TGFBR3: variants seen among roughly 807,000 people sequenced by gnomAD.
The protein encoded by TGFBR3 is transforming growth factor beta receptor type 3.
In TGFBR3, 46 loss-of-function variants were observed where a neutral mutation model predicts 87.9. The ratio of observed to expected loss-of-function variants is 0.52; its 90% confidence interval spans 0.41 to 0.67. The LOEUF is 0.67. Ranked by LOEUF, TGFBR3 falls within the 30% of genes least tolerant of loss-of-function variation. The pLI is 0.00. For synonymous variants in TGFBR3, 381 were observed against 391.6 expected, an observed-to-expected ratio of 0.97 and a Z score of 0.32; for missense variants, 866 against 1,041.9, an observed-to-expected ratio of 0.83 and a Z score of 2.32.
At chr1:91,729,304 A>T (rs1350719890) in intron 6 of TGFBR3, among the ~76,000 whole-genome samples, 1 of 151,864 alleles carries the variant, frequency 6.6e-6, no homozygotes, top group Non-Finnish European at 1.5e-5. Context: ...ACACACACAC[A>T]CACACACACA....
chr1:91,755,247 CTG>C (rs1400771627), intron 4 of TGFBR3, among the ~76,000 whole-genome samples: 1 of 152,138 alleles, frequency 6.6e-6, no homozygotes, highest in Non-Finnish European at 1.5e-5. Flanking sequence ...ACCAGACCCT[CTG>C]TGGCAAAGGC....
At chr1:91,739,147 C>T (rs972683716) in intron 4 of TGFBR3, among the ~76,000 whole-genome samples, 23 of 152,158 alleles carry the variant, frequency 1.5e-4, no homozygotes, top group Admixed American at 1.0e-3. Context: ...CCTTGTAGAC[C>T]GTTGTAAGGA....
intron 10 of TGFBR3, 104 bp downstream of exon 10, chr1:91,719,208 G>T: frequency 1.3e-6 from 2 of 1,497,240 alleles, no homozygotes; most frequent in Non-Finnish European, 1.9e-6. Context: ...TCAGGCCTGG[G>T]GTGAAAACCC....
chr1:91,863,930 G>A (rs66824794), intron 1 of TGFBR3: 1 of 152,030 alleles, frequency 6.6e-6, no homozygotes, highest in East Asian at 1.9e-4. Context: ...CCACAAAGAG[G>A]ATCTGTCTCT....
intron 2 of TGFBR3, among the ~76,000 whole-genome samples, chr1:91,820,407 G>C (rs2101058673): frequency 6.6e-6 from 1 of 152,272 alleles, no homozygotes; most frequent in South Asian, 2.1e-4. Flanking sequence ...TAACCAGCCG[G>C]GCACGGTGGC....
chr1:91,890,407 A>ATTTTT (rs1557765290), upstream of TGFBR3, among the ~76,000 whole-genome samples: 18 of 57,866 alleles, frequency 3.1e-4, no homozygotes, highest in Admixed American at 6.3e-4. Context: ...TTTCTCTATA[A>ATTTTT]TCTTTTTTTT....
intron 10 of TGFBR3, among the ~76,000 whole-genome samples, chr1:91,718,970 A>G (rs1672269301): frequency 6.6e-6 from 1 of 152,202 alleles, no homozygotes; most frequent in South Asian, 2.1e-4. Context: ...CTGCTCGTTC[A>G]TATAGCCCAG....
At chr1:91,752,046 C>T (rs1223988076) in intron 4 of TGFBR3, among the ~76,000 whole-genome samples, 2 of 151,962 alleles carry the variant, frequency 1.3e-5, no homozygotes, top group African/African-American at 2.4e-5. Context: ...TTTTTTTTCC[C>T]GATGATGTAT....
Position 91,681,714 on chromosome 1 carries a change from C to T in TGFBR3, c.*2025G>A, listed in dbSNP as rs1167596537. Reference sequence around the variant, plus strand: ...TAAAACACTTAAATATATCTTTATACACAAATTTTGTAGTAAAATATAGCT... The same window carrying T: ...TAAAACACTTAAATATATCTTTATATACAAATTTTGTAGTAAAATATAGCT... On this transcript the variant is annotated 3_prime_UTR_variant, in exon 17 of 17. Transcript: ENST00000212355. The T allele has an allele frequency of 1.8e-5, 8 of 433,538 alleles. No individual in the cohort carries two copies. The highest frequency in any genetic ancestry group is 7.5e-4 in the Middle Eastern group (1 of 1,340). The allele number at this position is 433,538 out of a possible 1,614,324, so 26.9% of individuals were successfully genotyped here.
At chr1:91,721,467 T>C (rs554311992) in intron 8 of TGFBR3, among the ~76,000 whole-genome samples, 48 of 152,326 alleles carry the variant, frequency 3.2e-4, no homozygotes, top group African/African-American at 1.1e-3. Context: ...TTTCAAGTCA[T>C]GCTAGCTAGA....
chr1:91,729,848 C>A lies in TGFBR3; in HGVS notation c.694G>T (p.Val232Leu). 1 of 1,614,176 alleles carries A rather than the reference C, an allele frequency of 6.2e-7. No homozygotes were observed. The highest frequency in any genetic ancestry group is 2.2e-5 in the East Asian group (1 of 44,880). The part of the protein sequence containing the change: ...VMSSQPQNEE[V>L]HIIELITPNS... Reference sequence around the variant, plus strand: ...GGGGTGATTAGCTCGATGATGTGTACTTCCTCATTCTGGGGCTGGCTGGAC... The same window carrying A: ...GGGGTGATTAGCTCGATGATGTGTAATTCCTCATTCTGGGGCTGGCTGGAC... Residue 232 changes from valine to leucine, a missense_variant, in exon 6 of 17, where the codon GTA (valine) becomes TTA (leucine). Physicochemically the swap from Val to Leu is conservative, Grantham distance 32. Transcript: ENST00000212355.
intron 16 of TGFBR3, among the ~76,000 whole-genome samples, chr1:91,690,744 T>G (rs1284385222): frequency 6.6e-6 from 1 of 152,010 alleles, no homozygotes; most frequent in Non-Finnish European, 1.5e-5. Context: ...TCCTATACCT[T>G]TCAAGCAGGA....
chr1:91,738,815 A>C (rs1466979146), intron 4 of TGFBR3, among the ~76,000 whole-genome samples: 1 of 152,256 alleles, frequency 6.6e-6, no homozygotes, highest in Non-Finnish European at 1.5e-5. Context: ...CTGGAGACAC[A>C]GTGGAGAGAC....
intron 9 of TGFBR3, 139 bp from the exon 10 acceptor site, chr1:91,719,603 TC>T: frequency 2.7e-6 from 3 of 1,120,872 alleles, no homozygotes; most frequent in South Asian, 1.3e-5. Flanking sequence ...AAGTATCTCT[TC>T]CCAGCTGCCC....
chr1:91,715,547 T>C (rs1672136003), intron 12 of TGFBR3, among the ~76,000 whole-genome samples: 2 of 152,244 alleles, frequency 1.3e-5, no homozygotes, highest in Non-Finnish European at 2.9e-5. Context: ...TGGCACATAA[T>C]AAATCTGCAG....
intron 4 of TGFBR3, among the ~76,000 whole-genome samples, chr1:91,749,639 CCATCCTGGAGTTG>C (rs1571470766): frequency 6.6e-6 from 1 of 152,098 alleles, no homozygotes; most frequent in Non-Finnish European, 1.5e-5. Context: ...AGGAGTTGGA[CCATCCTGGAGTTG>C]CTTTCTGAGA....
intron 2 of TGFBR3, among the ~76,000 whole-genome samples, chr1:91,797,968 A>C (rs768619845): frequency 1.1e-4 from 17 of 152,228 alleles, no homozygotes; most frequent in Non-Finnish European, 2.2e-4. Context: ...AGAGGCGATC[A>C]GGGCCAGAGC....
rs775234466 is a variant in TGFBR3, at chr1:91,722,075, C to T, written c.955G>A (p.Asp319Asn). The T allele has an allele frequency of 4.3e-6, 7 of 1,613,962 alleles. No individual in the cohort carries two copies. The East Asian group carries it at 6.7e-5, about 15-fold the overall frequency. ...SMTMTKSIRD[D>N]IPSTQGNLVK... ...AGATTCCCTTGGGTTGAAGGAATGT[C>T]ATCTCTTATTGATTTGGTCATTGTC... The change falls in exon 8 of 17, where the codon GAC becomes AAC. Residue 319 changes from aspartate to asparagine, a missense_variant. Transcript: ENST00000212355.
At chr1:91,774,369 C>A (rs944384641) in intron 3 of TGFBR3, among the ~76,000 whole-genome samples, 3 of 152,214 alleles carry the variant, frequency 2.0e-5, no homozygotes, top group Admixed American at 6.5e-5. Flanking sequence ...CTCCTGGCCT[C>A]AAGTGATCCA....
Sources: allele counts gnomAD v4.1 joint callset (sites outside exome capture counted in the v4.1 genomes callset), GRCh38; gene constraint gnomAD v4.1.1; transcripts MANE v1.5; gene names NCBI Gene and HGNC (gene_info 2026-07-23, HGNC 2026-07-21).